Variants in MYO1F observed in about 807,000 individuals in gnomAD.
MYO1F encodes unconventional myosin-If.
In MYO1F, 60 loss-of-function variants were observed where a neutral mutation model predicts 146.6. The observed-to-expected ratio is 0.41, with a 90% CI of 0.33 to 0.51. MYO1F has a LOEUF of 0.51. Ranked by LOEUF, MYO1F falls within the 20% of genes least tolerant of loss-of-function variation. The pLI is 0.25. For missense variants in MYO1F, 1,274 were observed against 1,534.3 expected (o/e 0.83, Z 2.83); for synonymous variants, 602 against 602.1 (o/e 1.00, Z 0.00).
At chr19:8,567,774 G>T (rs557557399) in intron 1 of MYO1F, among the ~76,000 whole-genome samples, 1 of 152,236 alleles carries the variant, frequency 6.6e-6, no homozygotes, top group Non-Finnish European at 1.5e-5. Flanking sequence ...CCTTCCCCAG[G>T]CTGGTCTGTA....
At chr19:8,559,317 C>T (rs1443626315) in intron 1 of MYO1F, among the ~76,000 whole-genome samples, 4 of 90,976 alleles carry the variant, frequency 4.4e-5, no homozygotes, top group East Asian at 3.1e-4. Context: ...TGGGGAGCCA[C>T]GGAATGTTCT....
In MYO1F at chr19:8,522,516, C is replaced by G. The variant is rs767198149; in HGVS notation, c.3081G>C (p.Arg1027=). Residue 1027 remains arginine (R), a synonymous_variant, in exon 27 of 28, where the codon CGG becomes CGC. Transcript: ENST00000644032. Reference sequence around the variant, plus strand: ...TGGGTCGGCCCACACCAGGCACTGGCCGTTGCCCCACGCTGCGCTTCCTCT... The same window carrying G: ...TGGGTCGGCCCACACCAGGCACTGGGCGTTGCCCCACGCTGCGCTTCCTCT... ...GMQRKRSVGQ[R]PVPGVGRPKP... is the part of the protein sequence containing the mutation. 1.9e-6 allele frequency: 3 copies of G among 1,613,350 alleles called. No homozygotes were observed. The highest frequency in any genetic ancestry group is 2.2e-5 in the South Asian group (2 of 91,010).
chr19:8,555,360 G>C (rs1221193847), intron 2 of MYO1F: 1 of 299,300 alleles, frequency 3.3e-6, no homozygotes, highest in Non-Finnish European at 6.0e-6. Context: ...CTGGGCGACA[G>C]AGCAAGACTC....
chr19:8,575,059 G>A (rs1173824199), intron 1 of MYO1F, among the ~76,000 whole-genome samples: 2 of 150,676 alleles, frequency 1.3e-5, no homozygotes, highest in African/African-American at 4.9e-5. Context: ...CCCTGCCAAC[G>A]GCATTAGATT....
chr19:8,545,805 T>C, intron 12 of MYO1F, 69 bp from the exon 13 acceptor site: 1 of 1,039,834 alleles, frequency 9.6e-7, no homozygotes. Context: ...CCCCATGTCC[T>C]CTCCCCTTCT....
intron 22 of MYO1F, 123 bp from the exon 23 acceptor site, chr19:8,527,058 AC>A: frequency 7.6e-7 from 1 of 1,319,378 alleles, no homozygotes; most frequent in Non-Finnish European, 1.1e-6. Context: ...GTCAGCGGTG[AC>A]CAGGTAGGAG....
At chr19:8,548,431 C>G (rs1305107753) in intron 10 of MYO1F, 114 bp from the exon 11 acceptor site, 5 of 924,386 alleles carry the variant, frequency 5.4e-6, no homozygotes, top group Non-Finnish European at 8.7e-6. Context: ...CCCCTCATGC[C>G]AGTTTCCCTC....
intron 10 of MYO1F, chr19:8,549,770 G>T (rs1973524798): frequency 3.7e-6 from 1 of 272,022 alleles, no homozygotes; most frequent in Non-Finnish European, 7.2e-6. Flanking sequence ...CTCCCAAAGT[G>T]CTGGGATTAC....
chr19:8,543,071 T>G (rs1973050285), intron 14 of MYO1F, among the ~76,000 whole-genome samples: 1 of 151,914 alleles, frequency 6.6e-6, no homozygotes, highest in South Asian at 2.1e-4. Flanking sequence ...GCCCGGCTGA[T>G]TTTTGTATTT....
At chr19:8,554,434 G>T in intron 4 of MYO1F, 43 bp downstream of exon 4, 1 of 1,524,598 alleles carries the variant, frequency 6.6e-7, no homozygotes, top group South Asian at 1.1e-5. Context: ...TTTCAGCAGG[G>T]GCCCGGGCAG....
intron 1 of MYO1F, among the ~76,000 whole-genome samples, chr19:8,574,563 CTTTCTTTCTTTCTT>C (rs1287503435): frequency 0.013 from 1,136 of 89,214 alleles, 14 homozygotes; most frequent in African/African-American, 0.035. Flanking sequence ...TTCTTTCTTT[CTTTCTTTCTTTCTT>C]TCTCTCTCTC....
chr19:8,554,891 A>T (rs1973779476), intron 2 of MYO1F, 148 bp from the exon 3 acceptor site: 1 of 823,524 alleles, frequency 1.2e-6, no homozygotes, highest in Admixed American at 2.0e-5. Context: ...TCTCTTGGAA[A>T]AAACAGGGCT....
At chr19:8,568,500 C>T (rs556983933) in intron 1 of MYO1F, among the ~76,000 whole-genome samples, 9 of 149,688 alleles carry the variant, frequency 6.0e-5, no homozygotes, top group East Asian at 2.0e-4. Context: ...AAGTGAATAT[C>T]GTGTGGGGAG....
At chr19:8,562,653 G>C (rs1040117084) in intron 1 of MYO1F, among the ~76,000 whole-genome samples, 27 of 151,092 alleles carry the variant, frequency 1.8e-4, no homozygotes, top group Admixed American at 1.8e-3. Flanking sequence ...TCCCACCCCA[G>C]CCTCCTGAGT....
chr19:8,520,871 C>T lies in MYO1F; in HGVS notation c.*657G>A, dbSNP rs2913922. 31,943 of 154,348 alleles carry T rather than the reference C, an allele frequency of 0.21. 3,678 individuals are homozygous for T. Among genetic ancestry groups the T allele is most frequent in the African/African-American group, 0.31 (12,709 of 41,202 alleles). 9.6% of individuals were successfully genotyped at this position (154,348 alleles called of 1,614,324 possible). A position where few individuals can be genotyped will look rare whatever the true frequency, so the allele number is the denominator to read the frequency against. ...AACTCCTGGTCTCACGTGATCTGCC[C>T]GCCTCAGCCTCCCAAAGTGCTGGGA... On this transcript the variant is annotated 3_prime_UTR_variant, in exon 28 of 28. Transcript: ENST00000644032.
intron 25 of MYO1F, among the ~76,000 whole-genome samples, chr19:8,524,192 G>A (rs1373645928): frequency 4.0e-5 from 6 of 151,254 alleles, no homozygotes; most frequent in East Asian, 2.0e-4. Flanking sequence ...AGGCCGAGGC[G>A]GGTGGATCAC....
intron 1 of MYO1F, among the ~76,000 whole-genome samples, chr19:8,559,818 C>T (rs981238395): frequency 5.9e-5 from 9 of 151,912 alleles, no homozygotes; most frequent in Non-Finnish European, 8.8e-5. Context: ...GGCGTGGTGG[C>T]GCACGCCTGT....
intron 6 of MYO1F, 129 bp downstream of exon 6, chr19:8,553,010 T>C: frequency 1.2e-6 from 1 of 868,102 alleles, no homozygotes; most frequent in South Asian, 1.3e-5. Flanking sequence ...CCTTCAGGAG[T>C]AGGTATTTCC....
chr19:8,559,997 C>T (rs1400329684), intron 1 of MYO1F, among the ~76,000 whole-genome samples: 5 of 150,308 alleles, frequency 3.3e-5, no homozygotes, highest in African/African-American at 4.9e-5. Context: ...TCAGCGAGCA[C>T]CTATGCTGTG....
Sources: allele counts gnomAD v4.1 joint callset (sites outside exome capture counted in the v4.1 genomes callset), GRCh38; gene constraint gnomAD v4.1.1; transcripts MANE v1.5; gene names NCBI Gene and HGNC (gene_info 2026-07-23, HGNC 2026-07-21).